CRYL1: variants seen among roughly 807,000 people sequenced by gnomAD.
CRYL1 encodes lambda-crystallin homolog.
Under a neutral mutation model 36.6 loss-of-function variants are expected in CRYL1, and 29 were observed. The ratio of observed to expected loss-of-function variants is 0.79; its 90% confidence interval spans 0.59 to 1.08. CRYL1 has a LOEUF of 1.08. CRYL1 is among the 50% of genes least tolerant of loss of function. The pLI, the probability that CRYL1 is intolerant of heterozygous loss-of-function variation, is 0.00. For synonymous variants in CRYL1, 152 were observed against 151.5 expected (o/e 1.00, Z -0.02); for missense variants, 411 against 407.9 (o/e 1.01, Z -0.06).
At chr13:20,472,976 C>G (rs1312402487) in intron 3 of CRYL1, 1 of 152,242 alleles carries the variant, frequency 6.6e-6, no homozygotes, top group African/African-American at 2.4e-5. Context: ...TTTTGGGCCT[C>G]TTCTTGCCAT....
intron 4 of CRYL1, 59 bp downstream of exon 4, chr13:20,439,534 A>AAAAAAAAAAAAAAAAAAAAAAAG: frequency 7.4e-7 from 1 of 1,349,130 alleles, no homozygotes; most frequent in Admixed American, 2.6e-5. Context: ...AAAAAAAGAA[A>AAAAAAAAAAAAAAAAAAAAAAAG]AAAAAAAAAC....
In CRYL1 at chr13:20,415,395, G is replaced by A. The variant is rs916515556; in HGVS notation, c.634-2008C>T. Among the ~76,000 whole-genome samples, 1 of 152,120 alleles carries A rather than the reference G, an allele frequency of 6.6e-6. No homozygotes were observed. The highest frequency in any genetic ancestry group is 2.4e-5 in the African/African-American group (1 of 41,434). On this transcript the variant is annotated intron_variant, in intron 5 of 7. Coordinates refer to ENST00000298248, the MANE Select transcript of CRYL1 (RefSeq NM_015974.3). The surrounding 1 kb of genome is among the most constrained non-coding windows in gnomAD (Gnocchi z 4.1). ...CCGCCGTGCCCCGCAACCGGCTGCG[G>A]CGGGCGACAGCCAGGTGCCTCAGGT...
chr13:20,420,700 GTT>G (rs2031780722), intron 5 of CRYL1, among the ~76,000 whole-genome samples: 2 of 36,430 alleles, frequency 5.5e-5, no homozygotes, highest in African/African-American at 1.3e-4. Flanking sequence ...TAAAATAGAG[GTT>G]GTGTGTGTGT....
chr13:20,439,565 A>G (rs772796637), intron 4 of CRYL1, 28 bp downstream of exon 4: 3 of 1,592,782 alleles, frequency 1.9e-6, no homozygotes, highest in South Asian at 1.1e-5. Context: ...ATGAGATACA[A>G]TCAATCCTCT....
In CRYL1 at chr13:20,415,849, C is replaced by T. The variant is rs1330239087; in HGVS notation, c.634-2462G>A. The stretch of plus-strand genomic sequence containing the variant: ...TTCCTGTAAGTGGAATCACTGAGCG[C>T]GCGTTCTTTCGTGACTTGTCTCTCA... On this transcript the variant is annotated intron_variant, in intron 5 of 7. Transcript: ENST00000298248. The surrounding 1 kb of genome is among the most constrained non-coding windows in gnomAD (Gnocchi z 4.1). Among the ~76,000 whole-genome samples, 4 of 152,100 alleles carry T rather than the reference C, an allele frequency of 2.6e-5. No homozygotes were observed. Among genetic ancestry groups the T allele is most frequent in the Admixed American group, 6.5e-5 (1 of 15,276 alleles).
chr13:20,467,043 G>C (rs61073672), intron 3 of CRYL1, among the ~76,000 whole-genome samples: 1 of 151,338 alleles, frequency 6.6e-6, no homozygotes, highest in Non-Finnish European at 1.5e-5. Flanking sequence ...TGCCTCCCGC[G>C]TTCACACCAT....
chr13:20,512,741 G>T (rs996864194), intron 1 of CRYL1, among the ~76,000 whole-genome samples, 191 bp from the exon 2 acceptor site: 46 of 152,140 alleles, frequency 3.0e-4, no homozygotes, highest in African/African-American at 1.1e-3. Context: ...TGTGAAAGCT[G>T]AAAACATTGA....
At chr13:20,410,389 G>A (rs540584283) in intron 6 of CRYL1, among the ~76,000 whole-genome samples, 2 of 130,128 alleles carry the variant, frequency 1.5e-5, no homozygotes, top group Non-Finnish European at 3.2e-5. Context: ...GTAGTGGGGT[G>A]GGGGGAGGGG....
In CRYL1 at chr13:20,432,010, G is replaced by A. The variant is rs533736052; in HGVS notation, c.633+92C>T. On this transcript the variant is annotated intron_variant, in intron 5 of 7. Transcript: ENST00000298248. ...TTTCCCAGCTTCCAGGCTGCCCAAG[G>A]AACAACTTTCACTGTCCTGCTCAAC... 25 of 1,599,954 alleles carry A rather than the reference G, an allele frequency of 1.6e-5. No individual in the cohort carries two copies. The South Asian group carries it at 2.6e-4, about 17-fold the overall frequency.
rs368437658 is a variant in CRYL1, at chr13:20,449,985, G to A, written c.277-10231C>T. ...AAAAGTATTCCATGCTTATGGATTGGAAGAATTAATATTGTTAACATGGCC... is the reference window on the plus strand; with the variant it reads ...AAAAGTATTCCATGCTTATGGATTGAAAGAATTAATATTGTTAACATGGCC... On this transcript the variant is annotated intron_variant, in intron 3 of 7. Coordinates refer to ENST00000298248, the MANE Select transcript of CRYL1 (RefSeq NM_015974.3). Among the ~76,000 whole-genome samples the A allele has an allele frequency of 2.6e-5, 4 of 152,290 alleles. No homozygotes were observed. The South Asian group carries it at 8.3e-4, about 32-fold the overall frequency.
At chr13:20,444,304 C>T (rs1433673859) in intron 3 of CRYL1, among the ~76,000 whole-genome samples, 1 of 152,096 alleles carries the variant, frequency 6.6e-6, no homozygotes, top group East Asian at 1.9e-4. Flanking sequence ...AGCATATTAC[C>T]AATCCTAAAC....
rs557205088 is a variant in CRYL1 at position 20,425,203 on chromosome 13, C to T, written c.633+6899G>A. Among the ~76,000 whole-genome samples, 6 of 152,316 alleles carry T rather than the reference C, an allele frequency of 3.9e-5. No homozygotes were observed. The highest frequency in any genetic ancestry group is 9.6e-5 in the African/African-American group (4 of 41,570). On this transcript the variant is annotated intron_variant, in intron 5 of 7. Coordinates refer to ENST00000298248, the MANE Select transcript of CRYL1 (RefSeq NM_015974.3). This position sits in a 1 kb window ranked among gnomAD's most constrained non-coding sequence, Gnocchi z 4.4. The stretch of plus-strand genomic sequence containing the variant: ...CCAGCAGGACCCCGTCTCCTGTTGG[C>T]GGTGGCTCCGCACAGGCTTCCTCTT...
intron 3 of CRYL1, among the ~76,000 whole-genome samples, chr13:20,440,061 G>A (rs2032320751): frequency 6.6e-6 from 1 of 152,176 alleles, no homozygotes; most frequent in Non-Finnish European, 1.5e-5. Context: ...CAATCTCCTT[G>A]TCTCTGAAGA....
intron 2 of CRYL1, among the ~76,000 whole-genome samples, chr13:20,503,126 T>C (rs1419808069): frequency 2.0e-5 from 3 of 152,250 alleles, no homozygotes; most frequent in Non-Finnish European, 4.4e-5. Flanking sequence ...AGCATATATA[T>C]GACTTTTACA....
intron 4 of CRYL1, among the ~76,000 whole-genome samples, chr13:20,437,339 G>A (rs887267230): frequency 3.4e-5 from 5 of 145,884 alleles, no homozygotes; most frequent in African/African-American, 1.3e-4. Flanking sequence ...ATGGAGTCTC[G>A]CTCTGTCGCC....
chr13:20,514,638 G>C (rs1460398955), intron 1 of CRYL1, among the ~76,000 whole-genome samples: 4 of 152,042 alleles, frequency 2.6e-5, no homozygotes, highest in Admixed American at 1.3e-4. Flanking sequence ...TAATGTGTTG[G>C]TCATGAATAG....
chr13:20,443,788 G>GA (rs1483668475), intron 3 of CRYL1, among the ~76,000 whole-genome samples: 1 of 152,216 alleles, frequency 6.6e-6, no homozygotes. Context: ...TTTACAGAAA[G>GA]AAAAAACAAA....
intron 3 of CRYL1, among the ~76,000 whole-genome samples, chr13:20,459,021 G>A (rs113848412): frequency 0.056 from 8,526 of 152,142 alleles, 792 homozygotes; most frequent in African/African-American, 0.19. Context: ...GGATCACAAG[G>A]TCAGGAGATC....
intron 2 of CRYL1, among the ~76,000 whole-genome samples, chr13:20,510,851 A>G (rs974872610): frequency 6.6e-6 from 1 of 151,852 alleles, no homozygotes; most frequent in Non-Finnish European, 1.5e-5. Flanking sequence ...GAGCTCAGGC[A>G]AAAGGGTTTA....
Sources: gnomAD v4.1 joint callset for allele counts (sites outside exome capture counted in the v4.1 genomes callset) on GRCh38, gnomAD v4.1.1 for gene constraint, Gnocchi (gnomAD v3.1) non-coding constraint, MANE v1.5 for transcripts, NCBI Gene and HGNC (gene_info 2026-07-23, HGNC 2026-07-21) for gene names.